TMEM184B: variants seen among roughly 807,000 people sequenced by gnomAD.
The protein encoded by TMEM184B is transmembrane protein 184B.
A neutral mutation model predicts 41.8 loss-of-function variants in TMEM184B; 17 were observed. That is an observed-to-expected ratio of 0.41 (90% CI 0.28 to 0.61). The LOEUF is 0.61. Ranked by LOEUF, TMEM184B falls within the 20% of genes least tolerant of loss-of-function variation. TMEM184B has a pLI of 0.34. For synonymous variants in TMEM184B, 240 were observed against 229.5 expected (o/e 1.05, Z -0.41); for missense variants, 393 against 557.8 (o/e 0.70, Z 2.98).
chr22:38,246,961 G>A (rs1274407962), intron 2 of TMEM184B: 3 of 1,010,224 alleles, frequency 3.0e-6, no homozygotes, highest in Non-Finnish European at 4.1e-6. Context: ...TTCTAAAAGG[G>A]ATGGGGACAC....
Position 38,220,528 on chromosome 22 carries a change from C to T in TMEM184B, c.*941G>A. 2 of 985,952 alleles carry T rather than the reference C, an allele frequency of 2.0e-6. No individual in the cohort carries two copies. The allele number at this position is 985,952 out of a possible 1,614,324, so 61.1% of individuals were successfully genotyped here. ...CCCTCCCGGTCTCCCTGCCGGACTGCCTTCCCCCAGAAGCTGGTCTGAAAC... is the reference window on the plus strand; with the variant it reads ...CCCTCCCGGTCTCCCTGCCGGACTGTCTTCCCCCAGAAGCTGGTCTGAAAC... On this transcript the variant is annotated 3_prime_UTR_variant, in exon 9 of 9. Coordinates refer to ENST00000361906, the MANE Select transcript of TMEM184B (RefSeq NM_012264.5).
rs368455159 is a variant in TMEM184B, at chr22:38,235,872, T to C, written c.359-4538A>G. Reference sequence around the variant, plus strand: ...AAGCTGAGACGGGGCTGGAGGGAGGTGCTTGACCGGGAAGCTCACTGCCCA... The same window carrying C: ...AAGCTGAGACGGGGCTGGAGGGAGGCGCTTGACCGGGAAGCTCACTGCCCA... On this transcript the variant is annotated intron_variant, in intron 3 of 8. Coordinates refer to ENST00000361906, the MANE Select transcript of TMEM184B (RefSeq NM_012264.5). 4.1e-4 allele frequency among the ~76,000 whole-genome samples: 63 copies of C among 152,034 alleles called. 1 individual carries two copies. In the East Asian group the frequency reaches 6.4e-3, roughly 15 times the overall value.
chr22:38,246,675 CAG>C (rs1346086295), intron 2 of TMEM184B: 2 of 615,038 alleles, frequency 3.3e-6, no homozygotes, highest in Admixed American at 4.7e-5. Flanking sequence ...ATCTGGTAAA[CAG>C]AGGCAGCACC....
At chr22:38,250,630 G>A (rs1459814715) in intron 1 of TMEM184B, among the ~76,000 whole-genome samples, 1 of 152,216 alleles carries the variant, frequency 6.6e-6, no homozygotes, top group Non-Finnish European at 1.5e-5. Flanking sequence ...TAAACATGGG[G>A]AATTGTGGGG....
intron 1 of TMEM184B, among the ~76,000 whole-genome samples, chr22:38,256,977 GTTTTTTT>G (rs777863582): frequency 8.0e-6 from 1 of 124,288 alleles, no homozygotes; most frequent in Non-Finnish European, 1.7e-5. Flanking sequence ...GACATTAATA[GTTTTTTT>G]TTTTTTTTTT....
chr22:38,272,819 C>T (rs1419277833), intron 1 of TMEM184B, 65 bp downstream of exon 1: 4 of 984,712 alleles, frequency 4.1e-6, no homozygotes, highest in Admixed American at 6.1e-5. Context: ...AACAAGCAGC[C>T]CCCCGCGCTC....
rs2091228409 is a variant in TMEM184B at position 38,220,493 on chromosome 22, G to A, written c.*976C>T. On this transcript the variant is annotated 3_prime_UTR_variant, in exon 9 of 9. Coordinates refer to ENST00000361906, the MANE Select transcript of TMEM184B (RefSeq NM_012264.5). ...TCCCCCCACCTCCCAGCTCCCCACT[G>A]TGTGGCCACCCCTCCCGGTCTCCCT... is the stretch of plus-strand genomic sequence containing the variant. The A allele has an allele frequency of 1.0e-6, 1 of 985,774 alleles. No individual in the cohort carries two copies. Among genetic ancestry groups the A allele is most frequent in the Non-Finnish European group, 1.2e-6 (1 of 830,046 alleles). 61.1% of individuals were successfully genotyped at this position (985,774 alleles called of 1,614,324 possible).
intron 3 of TMEM184B, among the ~76,000 whole-genome samples, chr22:38,234,175 A>G (rs1328674056): frequency 6.6e-6 from 1 of 152,192 alleles, no homozygotes; most frequent in Non-Finnish European, 1.5e-5. Context: ...GAGTAACCAC[A>G]GCCAAAGTGA....
Position 38,221,546 on chromosome 22 carries a change from G to C in TMEM184B, c.1147C>G (p.Leu383Val). The change falls in exon 9 of 9, where the codon CTC becomes GTC. Residue 383 changes from leucine (L) to valine (V), a missense_variant. Physicochemically the swap from Leu to Val is conservative, Grantham distance 32 (BLOSUM62 1). Transcript: ENST00000361906. ...GPTWRGGAHG[L>V]SRSHSLSGAR... ...CCACTGAGGCTGTGGGAGCGGGAGA[G>C]GCCGTGGGCGCCACCACGCCAGGTG... 6.2e-7 allele frequency: 1 copy of C among 1,613,924 alleles called. No homozygotes were observed. The highest frequency in any genetic ancestry group is 8.5e-7 in the Non-Finnish European group (1 of 1,179,966).
At chr22:38,253,844 AAT>A (rs1472639064) in intron 1 of TMEM184B, among the ~76,000 whole-genome samples, 1 of 152,222 alleles carries the variant, frequency 6.6e-6, no homozygotes, top group African/African-American at 2.4e-5. Context: ...AGAGTGGAAG[AAT>A]ATATTTGCAA....
intron 1 of TMEM184B, among the ~76,000 whole-genome samples, chr22:38,260,255 C>T (rs2092351432): frequency 6.6e-6 from 1 of 152,086 alleles, no homozygotes; most frequent in Non-Finnish European, 1.5e-5. Context: ...AGGGTTTCAT[C>T]ATGTTGGCCA....
In TMEM184B at chr22:38,225,571, C is replaced by A; in HGVS notation, c.640G>T (p.Val214Leu). 6.2e-7 allele frequency: 1 copy of A among 1,605,866 alleles called. No homozygotes were observed. Among genetic ancestry groups the A allele is most frequent in the Non-Finnish European group, 8.5e-7 (1 of 1,176,872 alleles). ...ACGGAGATGTTGTAGATGATGGTCA[C>A]GTAGAGGTAGCCACTGGTGACGCTG... ...DFDVTSGYLY[V>L]TIIYNISVSL... is the part of the protein sequence containing the mutation. The change falls in exon 7 of 9, where the codon GTG (valine) becomes TTG (leucine). Residue 214 changes from valine to leucine, a missense_variant. This residue lies in a region of TMEM184B where 271 missense variants were observed against 434.1 expected (regional missense o/e 0.62). Coordinates refer to ENST00000361906, the MANE Select transcript of TMEM184B (RefSeq NM_012264.5). The surrounding 1 kb of genome is among the most constrained non-coding windows in gnomAD (Gnocchi z 4.4).
At chr22:38,235,639 A>T (rs1271220653) in intron 3 of TMEM184B, among the ~76,000 whole-genome samples, 1 of 152,232 alleles carries the variant, frequency 6.6e-6, no homozygotes, top group East Asian at 1.9e-4. Context: ...TTCTTGGAGA[A>T]GATGAGACAG....
At chr22:38,218,060 G>C (rs2091172131), downstream of TMEM184B, among the ~76,000 whole-genome samples, 1 of 152,142 alleles carries the variant, frequency 6.6e-6, no homozygotes, top group South Asian at 2.1e-4. Flanking sequence ...AGATTTCAGA[G>C]TAATTTTTCC....
intron 3 of TMEM184B, among the ~76,000 whole-genome samples, chr22:38,241,900 A>AAAAAAAAAAAC (rs2091917415): frequency 6.7e-6 from 1 of 150,004 alleles, no homozygotes; most frequent in Non-Finnish European, 1.5e-5. Context: ...AAAAAAAAAA[A>AAAAAAAAAAAC]AAAAAAAGAA....
At chr22:38,255,777 A>T (rs1263047683) in intron 1 of TMEM184B, among the ~76,000 whole-genome samples, 2 of 152,204 alleles carry the variant, frequency 1.3e-5, no homozygotes, top group Non-Finnish European at 2.9e-5. Flanking sequence ...AGCCAATCTC[A>T]AAAGGTCACA....
rs2091250537 is a variant in TMEM184B, at chr22:38,221,224, C to G, written c.*245G>C. 1 of 1,372,116 alleles carries G rather than the reference C, an allele frequency of 7.3e-7. No homozygotes were observed. The highest frequency in any genetic ancestry group is 9.4e-7 in the Non-Finnish European group (1 of 1,065,600). The allele number at this position is 1,372,116 out of a possible 1,614,324, so 85.0% of individuals were successfully genotyped here. A position where few individuals can be genotyped will look rare whatever the true frequency, so the allele number is the denominator to read the frequency against. On this transcript the variant is annotated 3_prime_UTR_variant, in exon 9 of 9. Transcript: ENST00000361906. Reference sequence around the variant, plus strand: ...GGGCAGCAGGGGCATAAGCCTTGCTCCCAGTGTCCTCTGCCCTCGCCCGGG... The same window carrying G: ...GGGCAGCAGGGGCATAAGCCTTGCTGCCAGTGTCCTCTGCCCTCGCCCGGG...
intron 3 of TMEM184B, among the ~76,000 whole-genome samples, chr22:38,234,494 C>CTATAATAGCTGGA (rs1228013273): frequency 2.6e-5 from 4 of 152,174 alleles, no homozygotes; most frequent in Non-Finnish European, 4.4e-5. Context: ...AATTCTTGAC[C>CTATAATAGCTGGA]TATAATATCC....
intron 1 of TMEM184B, 40 bp from the exon 2 acceptor site, chr22:38,248,059 C>A (rs2092078396): frequency 2.0e-6 from 3 of 1,467,062 alleles, no homozygotes; most frequent in Admixed American, 4.6e-5. Context: ...CCTCCCAGGG[C>A]AAGTGGCAGC....
Sources: gnomAD v4.1 joint callset for allele counts (sites outside exome capture counted in the v4.1 genomes callset) on GRCh38, gnomAD v4.1.1 for gene constraint, gnomAD v4.1.1 regional missense constraint, Gnocchi (gnomAD v3.1) non-coding constraint, MANE v1.5 for transcripts, NCBI Gene and HGNC (gene_info 2026-07-23, HGNC 2026-07-21) for gene names.